The following FAM91A1 variants were observed in gnomAD, a reference collection of about 807,000 sequenced individuals.
FAM91A1 encodes protein FAM91A1.
Under a neutral mutation model 113.5 loss-of-function variants are expected in FAM91A1, and 41 were observed. That is an observed-to-expected ratio of 0.36 (90% confidence interval 0.28 to 0.47). The LOEUF (loss-of-function observed/expected upper bound fraction) is 0.47, where lower values mean the gene tolerates loss of function less well. Among genes scored for constraint, FAM91A1 ranks in the 20% least tolerant of loss-of-function variants. The pLI is 1.00. For synonymous variants in FAM91A1, 307 were observed against 347.9 expected (o/e 0.88, Z 1.31); for missense variants, 696 against 1,001.2 (o/e 0.70, Z 4.11).
intron 1 of FAM91A1, among the ~76,000 whole-genome samples, chr8:123,771,390 T>G (rs1251403125): frequency 1.3e-5 from 2 of 152,200 alleles, no homozygotes; most frequent in Admixed American, 6.5e-5. Flanking sequence ...TTTTAGACAC[T>G]TCGATGTCGT....
chr8:123,786,975 C>G (rs539924709), intron 12 of FAM91A1, among the ~76,000 whole-genome samples: 120 of 152,196 alleles, frequency 7.9e-4, no homozygotes, highest in African/African-American at 2.2e-3. Context: ...TGAAGAAGAG[C>G]CTGCCAGCTG....
At chr8:123,790,284 C>T (rs1479020465) in intron 15 of FAM91A1, among the ~76,000 whole-genome samples, 1 of 152,188 alleles carries the variant, frequency 6.6e-6, no homozygotes, top group East Asian at 1.9e-4. Context: ...ACTGGGCACT[C>T]TCAGTTTTGT....
intron 2 of FAM91A1, 107 bp downstream of exon 2, chr8:123,774,271 A>G (rs1470177371): frequency 3.4e-6 from 3 of 869,982 alleles, no homozygotes; most frequent in Non-Finnish European, 5.2e-6. Context: ...TATTCCATGT[A>G]CAGACTTTAA....
At chr8:123,787,402 G>T (rs1815285632) in intron 13 of FAM91A1, 29 bp downstream of exon 13, 1 of 1,513,768 alleles carries the variant, frequency 6.6e-7, no homozygotes, top group Middle Eastern at 2.3e-4. Context: ...TAAATATGAA[G>T]GTGTTTAAAA....
chr8:123,780,598 A>G, intron 8 of FAM91A1, 56 bp downstream of exon 8: 2 of 1,356,808 alleles, frequency 1.5e-6, no homozygotes, highest in Non-Finnish European at 2.1e-6. Flanking sequence ...GGTGCTAAGC[A>G]TTGCATATCA....
intron 1 of FAM91A1, among the ~76,000 whole-genome samples, chr8:123,770,945 A>G (rs1159325692): frequency 6.6e-6 from 1 of 152,156 alleles, no homozygotes; most frequent in East Asian, 1.9e-4. Flanking sequence ...TCCATCTGAG[A>G]TTACTACATC....
chr8:123,774,712 T>A (rs1490990257), intron 2 of FAM91A1, among the ~76,000 whole-genome samples: 1 of 152,216 alleles, frequency 6.6e-6, no homozygotes, highest in Non-Finnish European at 1.5e-5. Flanking sequence ...ATTGTTTTTC[T>A]TCATGAACAT....
At chr8:123,800,816 A>G (rs1443026232) in intron 18 of FAM91A1, among the ~76,000 whole-genome samples, 2 of 152,104 alleles carry the variant, frequency 1.3e-5, no homozygotes, top group African/African-American at 4.8e-5. Context: ...ATTTAACATA[A>G]TGTTTTCAAG....
At chr8:123,801,808 T>G (rs1815688564) in intron 18 of FAM91A1, among the ~76,000 whole-genome samples, 2 of 151,990 alleles carry the variant, frequency 1.3e-5, no homozygotes, top group African/African-American at 4.8e-5. Flanking sequence ...GGATTTTTTT[T>G]TTTTTCTTTT....
intron 1 of FAM91A1, among the ~76,000 whole-genome samples, chr8:123,772,954 TGAG>T (rs937364738): frequency 1.2e-3 from 176 of 151,764 alleles, no homozygotes; most frequent in Non-Finnish European, 2.2e-3. Flanking sequence ...TCAAGTAGGC[TGAG>T]GAGGAGGAGG....
chr8:123,770,639 G>A (rs1039772414), intron 1 of FAM91A1, among the ~76,000 whole-genome samples: 6 of 152,112 alleles, frequency 3.9e-5, no homozygotes, highest in Non-Finnish European at 8.8e-5. Context: ...AATAAATGTA[G>A]CATACTGGAA....
chr8:123,779,111 T>C lies in FAM91A1; in HGVS notation c.549+339T>C, dbSNP rs73335690. ...GCTGTGTGCTAGATGTGCCAAGCTC[T>C]ATTACAAGTGCTTTTTATATTGTCT... On this transcript the variant is annotated intron_variant, in intron 6 of 23. Transcript: ENST00000334705. Among the ~76,000 whole-genome samples, 1,390 of 152,344 alleles carry C rather than the reference T, an allele frequency of 9.1e-3. 22 individuals are homozygous for C. Among genetic ancestry groups the C allele is most frequent in the African/African-American group, 0.032 (1,335 of 41,568 alleles).
intron 2 of FAM91A1, among the ~76,000 whole-genome samples, chr8:123,774,941 A>G (rs1814944454): frequency 6.6e-6 from 1 of 152,094 alleles, no homozygotes; most frequent in South Asian, 2.1e-4. Flanking sequence ...TTCTCTACTA[A>G]TCTGTCCTAT....
rs912856346 is a variant in FAM91A1 at position 123,815,279 on chromosome 8, A to G, written c.*2575A>G. The G allele has an allele frequency of 1.3e-5, 2 of 152,514 alleles. No homozygotes were observed. Among genetic ancestry groups the G allele is most frequent in the African/African-American group, 4.8e-5 (2 of 41,430 alleles). The allele number at this position is 152,514 out of a possible 1,614,324, so 9.4% of individuals were successfully genotyped here. ...CTTTTTTGTGTTCAGTGTTTCAAAT[A>G]CAATTTGTATTTAAGGATTTTAAAA... On this transcript the variant is annotated 3_prime_UTR_variant, in exon 24 of 24. Transcript: ENST00000334705.
chr8:123,786,564 A>G lies in FAM91A1; in HGVS notation c.1032A>G (p.Glu344=). The change falls in exon 12 of 24, where the codon GAA becomes GAG. Residue 344 remains glutamate, a synonymous_variant. Transcript: ENST00000334705. ...DGGESRSPVQ[E]ASSATDTDTN... ...GGGAAAGTAGGAGTCCTGTACAAGA[A>G]GCTTCATCGGCAACTGACACTGATA... 1 of 1,614,164 alleles carries G rather than the reference A, an allele frequency of 6.2e-7. No individual in the cohort carries two copies. The highest frequency in any genetic ancestry group is 8.5e-7 in the Non-Finnish European group (1 of 1,180,008).
intron 19 of FAM91A1, 144 bp from the exon 20 acceptor site, chr8:123,805,936 C>T (rs941400453): frequency 2.7e-6 from 2 of 735,662 alleles, no homozygotes; most frequent in Non-Finnish European, 3.9e-6. Flanking sequence ...AGAATGACAA[C>T]TTTATATATT....
chr8:123,796,168 G>A (rs1159696764), intron 15 of FAM91A1, among the ~76,000 whole-genome samples: 1 of 147,112 alleles, frequency 6.8e-6, no homozygotes, highest in African/African-American at 2.7e-5. Flanking sequence ...TCTAAATCAG[G>A]GGGTTATAAT....
In FAM91A1 at chr8:123,812,701, A is replaced by G. The variant is rs1427108377; in HGVS notation, c.2514A>G (p.Gln838=). 6 of 1,575,368 alleles carry G rather than the reference A, an allele frequency of 3.8e-6. No individual in the cohort carries two copies. Among genetic ancestry groups the G allele is most frequent in the East Asian group, 2.3e-5 (1 of 43,134 alleles). ...TTCTTATTGCTAATCTCCATTTGCA[A>G]TAATTTGGTTACACCATTTGTTGCT... ...SSLLIANLHL[Q] The change falls in exon 24 of 24, where the codon CAA becomes CAG. Residue 838 remains glutamine (Q), a synonymous_variant. Coordinates refer to ENST00000334705, the MANE Select transcript of FAM91A1 (RefSeq NM_144963.4).
At chr8:123,780,954 T>G (rs1010810726) in intron 8 of FAM91A1, among the ~76,000 whole-genome samples, 1 of 152,216 alleles carries the variant, frequency 6.6e-6, no homozygotes, top group African/African-American at 2.4e-5. Flanking sequence ...TTTTCCCTTC[T>G]TCCTTTACCT....
Sources: gnomAD v4.1 joint callset for allele counts (sites outside exome capture counted in the v4.1 genomes callset) on GRCh38, gnomAD v4.1.1 for gene constraint, MANE v1.5 for transcripts, NCBI Gene and HGNC (gene_info 2026-07-23, HGNC 2026-07-21) for gene names.